The following ADAMTSL1 variants were observed in gnomAD, a reference collection of about 807,000 sequenced individuals.
ADAMTSL1 encodes the protein ADAMTS like 1.
A neutral mutation model predicts 201.8 loss-of-function variants in ADAMTSL1; 126 were observed. That is an observed-to-expected ratio of 0.62 (90% CI 0.54 to 0.72). The LOEUF is 0.72. Among genes scored for constraint, ADAMTSL1 ranks in the 30% least tolerant of loss-of-function variants. ADAMTSL1 has a pLI of 0.00. For missense variants in ADAMTSL1, 2,679 were observed against 2,277.8 expected, an observed-to-expected ratio of 1.18 and a Z score of -3.59; for synonymous variants, 1,121 against 903.4, an observed-to-expected ratio of 1.24 and a Z score of -4.32.
At chr9:18,184,481 A>G (rs1349486515) in intron 2 of ADAMTSL1, among the ~76,000 whole-genome samples, 1 of 152,178 alleles carries the variant, frequency 6.6e-6, no homozygotes, top group Admixed American at 6.6e-5. Context: ...ACCTAAGAGG[A>G]TATGATAAGA....
intron 26 of ADAMTSL1, among the ~76,000 whole-genome samples, chr9:18,900,489 G>C (rs547569603): frequency 6.6e-6 from 1 of 152,236 alleles, no homozygotes; most frequent in African/African-American, 2.4e-5. Flanking sequence ...TATGTTTACT[G>C]CAGCACTACT....
At chr9:18,571,557 C>G (rs1822302499) in intron 3 of ADAMTSL1, among the ~76,000 whole-genome samples, 2 of 152,176 alleles carry the variant, frequency 1.3e-5, no homozygotes, top group African/African-American at 2.4e-5. Context: ...GTCAGTTCAA[C>G]TTTAGACGCT....
At chr9:18,525,173 G>A (rs908960896) in intron 2 of ADAMTSL1, among the ~76,000 whole-genome samples, 2 of 152,006 alleles carry the variant, frequency 1.3e-5, no homozygotes, top group Non-Finnish European at 2.9e-5. Context: ...GTCTTGGGAG[G>A]GTGTATGTGT....
chr9:18,585,262 C>T (rs1345330349), intron 4 of ADAMTSL1, among the ~76,000 whole-genome samples: 4 of 152,092 alleles, frequency 2.6e-5, no homozygotes, highest in Admixed American at 6.5e-5. Context: ...AATAAAAAAA[C>T]TTTTTGGAAA....
intron 2 of ADAMTSL1, among the ~76,000 whole-genome samples, chr9:18,352,005 G>C (rs942239400): frequency 2.0e-5 from 3 of 152,134 alleles, no homozygotes; most frequent in Non-Finnish European, 4.4e-5. Context: ...AGAGTCATGA[G>C]AAATAATAGA....
At chr9:18,894,294 T>A (rs1829474276) in intron 26 of ADAMTSL1, among the ~76,000 whole-genome samples, 1 of 150,358 alleles carries the variant, frequency 6.7e-6, no homozygotes. Context: ...CAACGAGCTG[T>A]GATCATACCA....
intron 3 of ADAMTSL1, among the ~76,000 whole-genome samples, chr9:18,535,042 G>C (rs1021445153): frequency 6.6e-6 from 1 of 152,138 alleles, no homozygotes; most frequent in Non-Finnish European, 1.5e-5. Flanking sequence ...CTCATTACTT[G>C]TGCAAATTTT....
intron 2 of ADAMTSL1, among the ~76,000 whole-genome samples, chr9:18,201,385 C>A (rs1829438428): frequency 6.6e-6 from 1 of 151,980 alleles, no homozygotes; most frequent in Non-Finnish European, 1.5e-5. Context: ...TGCTAAATTT[C>A]TTTTTTATCA....
At chr9:18,171,208 C>T (rs1241825313) in intron 2 of ADAMTSL1, among the ~76,000 whole-genome samples, 1 of 151,804 alleles carries the variant, frequency 6.6e-6, no homozygotes, top group Non-Finnish European at 1.5e-5. Context: ...TATAAATAGA[C>T]ACATATAAAA....
intron 2 of ADAMTSL1, among the ~76,000 whole-genome samples, chr9:18,219,125 T>C (rs1424307037): frequency 1.3e-5 from 2 of 151,596 alleles, no homozygotes; most frequent in African/African-American, 4.8e-5. Context: ...TTTCTTTAAT[T>C]GTTCTGGGTT....
At chr9:18,059,955 A>G (rs1822377481) in intron 1 of ADAMTSL1, among the ~76,000 whole-genome samples, 1 of 152,152 alleles carries the variant, frequency 6.6e-6, no homozygotes, top group Admixed American at 6.5e-5. Flanking sequence ...TTTTATTTGT[A>G]CTTGATTAGA....
chr9:18,848,591 A>T (rs985136620), intron 23 of ADAMTSL1, among the ~76,000 whole-genome samples: 1 of 151,966 alleles, frequency 6.6e-6, no homozygotes, highest in Non-Finnish European at 1.5e-5. Flanking sequence ...AATCCTAAAG[A>T]TTTTCAAGGC....
chr9:18,481,837 T>C (rs2131810706), intron 1 of ADAMTSL1, among the ~76,000 whole-genome samples: 1 of 152,300 alleles, frequency 6.6e-6, no homozygotes, highest in Admixed American at 6.5e-5. Flanking sequence ...AAAAACTATT[T>C]TCAAGATAAA....
chr9:18,847,722 C>A (rs546883612), intron 23 of ADAMTSL1, among the ~76,000 whole-genome samples: 1 of 152,150 alleles, frequency 6.6e-6, no homozygotes, highest in African/African-American at 2.4e-5. Context: ...CTGCATGAAA[C>A]GTGCATGCCT....
chr9:18,660,963 T>C (rs1354847322), intron 8 of ADAMTSL1, among the ~76,000 whole-genome samples: 5 of 152,186 alleles, frequency 3.3e-5, no homozygotes, highest in Admixed American at 6.5e-5. Context: ...CTAATATGTA[T>C]TTAGCAATAA....
At chr9:18,290,774 T>G (rs1833219172) in intron 2 of ADAMTSL1, among the ~76,000 whole-genome samples, 2 of 65,660 alleles carry the variant, frequency 3.0e-5, no homozygotes, top group Non-Finnish European at 6.2e-5. Context: ...GCTGGCTTTT[T>G]TTGTGTGTTT....
intron 2 of ADAMTSL1, among the ~76,000 whole-genome samples, chr9:18,267,220 T>C (rs1389884311): frequency 6.6e-6 from 1 of 152,134 alleles, no homozygotes; most frequent in East Asian, 1.9e-4. Flanking sequence ...TGCAGTGTCA[T>C]TTGGGGACTA....
At chr9:18,164,841 G>A (rs1182021240) in intron 2 of ADAMTSL1, among the ~76,000 whole-genome samples, 2 of 151,820 alleles carry the variant, frequency 1.3e-5, no homozygotes, top group Admixed American at 6.6e-5. Flanking sequence ...TTTGCATATT[G>A]TGTCACATGT....
chr9:18,783,253 A>C (rs1821506852), intron 19 of ADAMTSL1, among the ~76,000 whole-genome samples: 1 of 152,230 alleles, frequency 6.6e-6, no homozygotes, highest in African/African-American at 2.4e-5. Flanking sequence ...GTAGGACCCC[A>C]GTTTGTATTG....
Sources: allele counts gnomAD v4.1 joint callset (sites outside exome capture counted in the v4.1 genomes callset), GRCh38; gene constraint gnomAD v4.1.1; transcripts MANE v1.5; gene names NCBI Gene and HGNC (gene_info 2026-07-23, HGNC 2026-07-21).